The following HIPK3 variants were observed in gnomAD, a reference collection of about 807,000 sequenced individuals.
The protein encoded by HIPK3 is homeodomain-interacting protein kinase 3.
In HIPK3, 47 loss-of-function variants were observed where a neutral mutation model predicts 124.2. The observed-to-expected ratio is 0.38, with a 90% CI of 0.30 to 0.48. HIPK3 has a LOEUF of 0.48. HIPK3 is among the 20% of genes least tolerant of loss of function. HIPK3 has a pLI of 0.98. For synonymous variants in HIPK3, 482 were observed against 515.2 expected, an observed-to-expected ratio of 0.94 and a Z score of 0.87; for missense variants, 1,286 against 1,454.3, an observed-to-expected ratio of 0.88 and a Z score of 1.88.
At chr11:33,289,904 A>G (rs1851654660) in intron 2 of HIPK3, among the ~76,000 whole-genome samples, 2 of 152,178 alleles carry the variant, frequency 1.3e-5, no homozygotes, top group South Asian at 4.1e-4. Flanking sequence ...TATGAGCGAG[A>G]ACATTGTGAA....
intron 1 of HIPK3, among the ~76,000 whole-genome samples, chr11:33,259,709 A>G (rs1850773443): frequency 6.6e-6 from 1 of 150,884 alleles, no homozygotes; most frequent in Non-Finnish European, 1.5e-5. Context: ...TAAGGCAGAG[A>G]TGTGTTGAAA....
intron 1 of HIPK3, among the ~76,000 whole-genome samples, chr11:33,264,689 CA>C (rs1241869174): frequency 6.6e-6 from 1 of 152,148 alleles, no homozygotes; most frequent in East Asian, 1.9e-4. Flanking sequence ...TTGCTAAAAA[CA>C]AAAAATGTTT....
At chr11:33,290,128 T>A (rs1481738434) in intron 2 of HIPK3, among the ~76,000 whole-genome samples, 1 of 152,216 alleles carries the variant, frequency 6.6e-6, no homozygotes, top group African/African-American at 2.4e-5. Flanking sequence ...ATTGTAGATA[T>A]CTCTTTGATA....
intron 2 of HIPK3, among the ~76,000 whole-genome samples, chr11:33,309,776 T>C (rs1196688057): frequency 6.6e-6 from 1 of 152,230 alleles, no homozygotes; most frequent in African/African-American, 2.4e-5. Flanking sequence ...AAGTTATAGA[T>C]ACCAGTACAC....
rs34107632 is a variant in HIPK3, at chr11:33,290,627, TA to T, written c.1097+3126del. ...ATTTGAAATCTTTTTCCACTAGAGTTAAAAAAAAAAGTCTTTTTTTTTTTTA... is the reference window on the plus strand; with the variant it reads ...ATTTGAAATCTTTTTCCACTAGAGTTAAAAAAAAAGTCTTTTTTTTTTTTA... On this transcript the variant is annotated intron_variant, in intron 2 of 16. Transcript: ENST00000303296. 3.8e-4 allele frequency among the ~76,000 whole-genome samples: 55 copies of T among 144,530 alleles called. 2 individuals carry two copies. The highest frequency in any genetic ancestry group is 1.0e-3 in the African/African-American group (40 of 38,514). The allele number at this position is 144,530 out of a possible 152,430, so 94.8% of individuals were successfully genotyped here. A position where few individuals can be genotyped will look rare whatever the true frequency, so the allele number is the denominator to read the frequency against.
Position 33,353,500 on chromosome 11 carries a change from G to T in HIPK3, c.3580G>T (p.Ala1194Ser), listed in dbSNP as rs752481875. ...AATCTTCCCACCACATTCTTACATT[G>T]CAGCATCACCTGCATATACTGGATT... Reference protein sequence around the residue: ...KPIFPPHSYIAASPAYTGFPL... With the variant: ...KPIFPPHSYISASPAYTGFPL... The change falls in exon 17 of 17, where the codon GCA becomes TCA. Residue 1194 changes from alanine to serine, a missense_variant. This residue lies in a region of HIPK3 where 810 missense variants were observed against 864.9 expected (regional missense o/e 0.94). Transcript: ENST00000303296. 1.9e-6 allele frequency: 3 copies of T among 1,613,990 alleles called. No homozygotes were observed. The Admixed American group carries it at 5.0e-5, about 27-fold the overall frequency.
intron 3 of HIPK3, among the ~76,000 whole-genome samples, chr11:33,334,521 A>G (rs1853080552): frequency 6.6e-6 from 1 of 152,168 alleles, no homozygotes; most frequent in Non-Finnish European, 1.5e-5. Flanking sequence ...TGCTAGGGTT[A>G]GAGGTCTGGA....
chr11:33,294,571 T>G (rs1470876286), intron 2 of HIPK3, among the ~76,000 whole-genome samples: 3 of 152,182 alleles, frequency 2.0e-5, no homozygotes, highest in African/African-American at 7.2e-5. Context: ...TAACATCAGT[T>G]CAATATTATT....
intron 2 of HIPK3, among the ~76,000 whole-genome samples, chr11:33,304,218 T>A (rs1325561325): frequency 6.6e-6 from 1 of 152,140 alleles, no homozygotes; most frequent in Non-Finnish European, 1.5e-5. Context: ...GGATTATGGG[T>A]GTGAGCCACT....
At position 33,295,724 on chromosome 11, in the gene HIPK3, A is replaced by G. The variant is rs145864247; in HGVS notation, c.1097+8213A>G. On this transcript the variant is annotated intron_variant, in intron 2 of 16. Coordinates refer to ENST00000303296, the MANE Select transcript of HIPK3 (RefSeq NM_005734.5). ...TCTCACGATTAGATTCAGGTTTTGC[A>G]CTTTTGGCAGGAACTTCACAGAACT... Among the ~76,000 whole-genome samples the G allele has an allele frequency of 5.4e-3, 825 of 152,274 alleles. 9 individuals are homozygous for G. The highest frequency in any genetic ancestry group is 0.019 in the African/African-American group (795 of 41,554).
chr11:33,321,126 C>T (rs942565817), intron 2 of HIPK3, among the ~76,000 whole-genome samples: 2 of 152,120 alleles, frequency 1.3e-5, no homozygotes, highest in African/African-American at 2.4e-5. Flanking sequence ...AGGAGGAGAA[C>T]GAAGAGTTCT....
In HIPK3 at chr11:33,257,859, C is replaced by G. The variant is rs1207385595; in HGVS notation, c.-33C>G. The G allele has an allele frequency of 4.1e-6, 4 of 985,486 alleles. No individual in the cohort carries two copies. The highest frequency in any genetic ancestry group is 1.7e-5 in the African/African-American group (1 of 57,224). The allele number at this position is 985,486 out of a possible 1,614,324, so 61.0% of individuals were successfully genotyped here. On this transcript the variant is annotated 5_prime_UTR_variant, in exon 1 of 17. Transcript: ENST00000303296. ...GGACATGCTCAGGGCTGCGGCCGCCCGAAGAGGAGAGAGCGCGGGCCTCTA... is the reference window on the plus strand; with the variant it reads ...GGACATGCTCAGGGCTGCGGCCGCCGGAAGAGGAGAGAGCGCGGGCCTCTA...
intron 8 of HIPK3, among the ~76,000 whole-genome samples, chr11:33,344,225 G>A (rs1853428636): frequency 1.3e-5 from 2 of 152,240 alleles, no homozygotes; most frequent in Middle Eastern, 6.8e-3. Flanking sequence ...CAAGATTGCT[G>A]TTTAAAAATT....
intron 1 of HIPK3, among the ~76,000 whole-genome samples, chr11:33,272,168 C>T (rs549935988): frequency 1.3e-5 from 2 of 152,206 alleles, no homozygotes; most frequent in South Asian, 4.1e-4. Flanking sequence ...GAGGCCGAGG[C>T]AGGTGGATCA....
Position 33,328,640 on chromosome 11 carries a change from A to G in HIPK3, c.1221+7A>G, listed in dbSNP as rs1323885836. The stretch of plus-strand genomic sequence containing the variant: ...AGCCTTGGAGTATGATCAGGTAACA[A>G]ATAATGATAATCTAATAGAATTGGT... On this transcript the variant is annotated splice_region_variant and intron_variant, in intron 3 of 16. Coordinates refer to ENST00000303296, the MANE Select transcript of HIPK3 (RefSeq NM_005734.5). 5 of 1,611,974 alleles carry G rather than the reference A, an allele frequency of 3.1e-6. No homozygotes were observed. Among genetic ancestry groups the G allele is most frequent in the African/African-American group, 2.7e-5 (2 of 74,992 alleles).
At chr11:33,331,704 T>A (rs2133973095) in intron 3 of HIPK3, among the ~76,000 whole-genome samples, 1 of 152,274 alleles carries the variant, frequency 6.6e-6, no homozygotes, top group African/African-American at 2.4e-5. Context: ...AATTATTATT[T>A]TTTGCCTTAC....
At chr11:33,257,112 C>G (rs1429138763), upstream of HIPK3, among the ~76,000 whole-genome samples, 3 of 152,140 alleles carry the variant, frequency 2.0e-5, no homozygotes, top group Non-Finnish European at 1.5e-5. Context: ...ACAGCAGAGC[C>G]GGGCTGACGG....
At position 33,351,790 on chromosome 11, in the gene HIPK3, C is replaced by T; in HGVS notation, c.2990C>T (p.Pro997Leu). ...CCAGCTGTCTGTTCTGTTGTGGTGC[C>T]ACCAGTGGAACTAGAAAATGGCTTA... The part of the protein sequence containing the change: ...TKPAVCSVVV[P>L]PVELENGLNA... The change falls in exon 15 of 17, where the codon CCA becomes CTA. Residue 997 changes from proline (P) to leucine (L), a missense_variant. By Grantham distance (98) the Pro-to-Leu change is moderately conservative. Coordinates refer to ENST00000303296, the MANE Select transcript of HIPK3 (RefSeq NM_005734.5). 1 of 1,614,156 alleles carries T rather than the reference C, an allele frequency of 6.2e-7. No individual in the cohort carries two copies. The highest frequency in any genetic ancestry group is 1.1e-5 in the South Asian group (1 of 91,076).
intron 1 of HIPK3, among the ~76,000 whole-genome samples, chr11:33,265,856 C>T (rs180752759): frequency 1.0e-4 from 15 of 147,798 alleles, no homozygotes; most frequent in South Asian, 2.1e-4. Flanking sequence ...GAGGCCGAGG[C>T]GGGTGGGTCA....
Sources: gnomAD v4.1 joint callset for allele counts (sites outside exome capture counted in the v4.1 genomes callset) on GRCh38, gnomAD v4.1.1 for gene constraint, gnomAD v4.1.1 regional missense constraint, MANE v1.5 for transcripts, NCBI Gene and HGNC (gene_info 2026-07-23, HGNC 2026-07-21) for gene names.